ROR2: variants seen among roughly 807,000 people sequenced by gnomAD.
ROR2 encodes tyrosine-protein kinase transmembrane receptor ROR2.
ROR2 carries 33 observed loss-of-function variants against 74.9 expected under a neutral mutation model. That is an observed-to-expected ratio of 0.44 (90% CI 0.33 to 0.59). The LOEUF is 0.59. Among genes scored for constraint, ROR2 ranks in the 20% least tolerant of loss-of-function variants. The pLI, the probability that ROR2 is intolerant of heterozygous loss-of-function variation, is 0.02. For missense variants in ROR2, 1,216 were observed against 1,313.8 expected (o/e 0.93, Z 1.15); for synonymous variants, 586 against 558.7 (o/e 1.05, Z -0.69).
chr9:91,823,804 G>T (rs772407237), intron 1 of ROR2, among the ~76,000 whole-genome samples: 2 of 152,350 alleles, frequency 1.3e-5, no homozygotes, highest in South Asian at 4.1e-4. Context: ...GAATAAACAG[G>T]ATTACATTTA....
At chr9:91,742,922 G>C (rs1330733291) in intron 4 of ROR2, among the ~76,000 whole-genome samples, 1 of 152,144 alleles carries the variant, frequency 6.6e-6, no homozygotes, top group Non-Finnish European at 1.5e-5. Flanking sequence ...GCTGTGTTTA[G>C]ATATACAAAT....
At chr9:91,886,621 GGT>G (rs1422119611) in intron 1 of ROR2, 1 of 152,316 alleles carries the variant, frequency 6.6e-6, no homozygotes, top group Admixed American at 6.5e-5. Context: ...TGCTCCGGAG[GGT>G]TAAGCTATCC....
At chr9:91,873,159 T>A (rs1829853597) in intron 1 of ROR2, among the ~76,000 whole-genome samples, 1 of 151,270 alleles carries the variant, frequency 6.6e-6, no homozygotes, top group African/African-American at 2.4e-5. Context: ...GTTTTCACCC[T>A]CCCCTGTCAT....
At chr9:91,813,602 T>TGTCAGAAAACACCCAACC (rs1465976242) in intron 1 of ROR2, among the ~76,000 whole-genome samples, 7 of 152,152 alleles carry the variant, frequency 4.6e-5, no homozygotes, top group African/African-American at 1.7e-4. Flanking sequence ...TGCAACGCAA[T>TGTCAGAAAACACCCAACC]GTCAGAAAAC....
intron 1 of ROR2, among the ~76,000 whole-genome samples, chr9:91,845,199 C>T (rs973823863): frequency 2.6e-5 from 4 of 152,144 alleles, no homozygotes; most frequent in Admixed American, 2.6e-4. Flanking sequence ...CTCCCCACCA[C>T]CCAGCACCCT....
At chr9:91,899,329 G>A (rs553002275) in intron 1 of ROR2, among the ~76,000 whole-genome samples, 8 of 152,188 alleles carry the variant, frequency 5.3e-5, no homozygotes, top group Non-Finnish European at 7.4e-5. Flanking sequence ...AAATATTTGG[G>A]GAGCAGCAGA....
intron 1 of ROR2, among the ~76,000 whole-genome samples, chr9:91,840,824 C>T (rs756021955): frequency 4.0e-5 from 6 of 151,432 alleles, no homozygotes; most frequent in Non-Finnish European, 5.9e-5. Flanking sequence ...CTTGTTCCTA[C>T]GCAAGGACCT....
At chr9:91,741,304 GTAATAATAATAA>G (rs149995684) in intron 4 of ROR2, among the ~76,000 whole-genome samples, 1,554 of 135,602 alleles carry the variant, frequency 0.011, 19 homozygotes, top group African/African-American at 0.027. Flanking sequence ...GTCTCAAGTA[GTAATAATAATAA>G]TAATAATAAT....
At chr9:91,936,284 G>C (rs1042487212) in intron 1 of ROR2, among the ~76,000 whole-genome samples, 1 of 152,310 alleles carries the variant, frequency 6.6e-6, no homozygotes, top group Middle Eastern at 3.4e-3. Context: ...TAAACAACAA[G>C]AATTTGTTGT....
At chr9:91,842,702 G>A (rs781358934) in intron 1 of ROR2, among the ~76,000 whole-genome samples, 6 of 152,252 alleles carry the variant, frequency 3.9e-5, no homozygotes, top group Non-Finnish European at 7.3e-5. Flanking sequence ...TCTGGAATCA[G>A]AGGGCAGCAG....
chr9:91,875,952 C>T (rs1829944452), intron 1 of ROR2, among the ~76,000 whole-genome samples: 1 of 151,710 alleles, frequency 6.6e-6, no homozygotes, highest in African/African-American at 2.4e-5. Flanking sequence ...TATAGATGGA[C>T]ACATGGAAAC....
At chr9:91,816,620 C>T (rs998650654) in intron 1 of ROR2, among the ~76,000 whole-genome samples, 3 of 152,118 alleles carry the variant, frequency 2.0e-5, no homozygotes, top group Non-Finnish European at 4.4e-5. Flanking sequence ...CCCCACAGCT[C>T]CCCGCTGTGG....
intron 1 of ROR2, among the ~76,000 whole-genome samples, chr9:91,814,144 T>C (rs550868075): frequency 3.5e-4 from 53 of 152,152 alleles, no homozygotes; most frequent in Non-Finnish European, 6.9e-4. Context: ...GCAGAGATCA[T>C]ACCTCTGCAC....
intron 1 of ROR2, among the ~76,000 whole-genome samples, chr9:91,871,157 C>CT (rs1829783454): frequency 6.6e-6 from 1 of 152,230 alleles, no homozygotes. Context: ...CCTCAAAACT[C>CT]TAACATGCAG....
chr9:91,792,368 T>C (rs556430423), intron 1 of ROR2, among the ~76,000 whole-genome samples: 3,772 of 117,520 alleles, frequency 0.032, 72 homozygotes, highest in Non-Finnish European at 0.033. Flanking sequence ...AGTGCAGTAG[T>C]GCAATCTCAG....
At chr9:91,948,484 C>T (rs1462284704) in intron 1 of ROR2, 1 of 772,552 alleles carries the variant, frequency 1.3e-6, no homozygotes, top group African/African-American at 1.9e-5. Flanking sequence ...CTTTAATGCA[C>T]AGTGAGATAA....
At chr9:91,903,319 C>A (rs539548574) in intron 1 of ROR2, among the ~76,000 whole-genome samples, 2 of 152,156 alleles carry the variant, frequency 1.3e-5, no homozygotes, top group East Asian at 3.9e-4. Flanking sequence ...CACCCCAACC[C>A]GCTGGCTTCC....
At chr9:91,775,004 C>T (rs984009147) in intron 2 of ROR2, among the ~76,000 whole-genome samples, 2 of 152,180 alleles carry the variant, frequency 1.3e-5, no homozygotes, top group African/African-American at 2.4e-5. Context: ...GTCTCTCCAC[C>T]GTAAGAGGAC....
intron 1 of ROR2, among the ~76,000 whole-genome samples, chr9:91,820,609 C>T (rs985299363): frequency 1.3e-5 from 2 of 152,012 alleles, no homozygotes; most frequent in African/African-American, 2.4e-5. Flanking sequence ...TGCTGTTTCA[C>T]AGTCAGTGGG....
Sources: allele counts gnomAD v4.1 joint callset (sites outside exome capture counted in the v4.1 genomes callset), GRCh38; gene constraint gnomAD v4.1.1; transcripts MANE v1.5; gene names NCBI Gene and HGNC (gene_info 2026-07-23, HGNC 2026-07-21).